PACRG: variants seen among roughly 807,000 people sequenced by gnomAD.
PACRG encodes the protein parkin coregulated gene protein.
PACRG carries 29 observed loss-of-function variants against 29.7 expected under a neutral mutation model. The ratio of observed to expected loss-of-function variants is 0.98; its 90% CI spans 0.73 to 1.33. PACRG has a LOEUF of 1.33. PACRG is among the 40% of genes most tolerant of loss of function. PACRG has a pLI of 0.00. For missense variants in PACRG, 279 were observed against 316.2 expected, an observed-to-expected ratio of 0.88 and a Z score of 0.89; for synonymous variants, 116 against 118.7, an observed-to-expected ratio of 0.98 and a Z score of 0.15.
chr6:163,028,186 C>A (rs1325259921), intron 2 of PACRG, among the ~76,000 whole-genome samples: 2 of 152,132 alleles, frequency 1.3e-5, no homozygotes, highest in African/African-American at 4.8e-5. Context: ...TTCCAATAAG[C>A]CAGGAAATTA....
At chr6:162,908,449 A>G (rs1021908536) in intron 2 of PACRG, among the ~76,000 whole-genome samples, 44 of 152,234 alleles carry the variant, frequency 2.9e-4, no homozygotes, top group Non-Finnish European at 2.9e-4. Context: ...GCCTTCAGGC[A>G]TGGCCTATTC....
At position 163,010,628 on chromosome 6, in the gene PACRG, G is replaced by A. The variant is rs554832367; in HGVS notation, c.292-51522G>A. ...GACACCTTTTCAGTCATTGTTAGAC[G>A]AGTCTTGCTATGTTTTATCTTCCAA... On this transcript the variant is annotated intron_variant, in intron 2 of 4. Transcript: ENST00000366888. Among the ~76,000 whole-genome samples, 8 of 152,272 alleles carry A rather than the reference G, an allele frequency of 5.3e-5. No homozygotes were observed. The South Asian group carries it at 1.2e-3, about 24-fold the overall frequency.
chr6:162,755,343 T>A (rs766178793), intron 1 of PACRG, among the ~76,000 whole-genome samples: 2 of 152,160 alleles, frequency 1.3e-5, no homozygotes, highest in African/African-American at 4.8e-5. Flanking sequence ...AGTGGTTGGT[T>A]TGTATTTCTC....
chr6:163,239,713 C>T (rs541482711), intron 4 of PACRG, among the ~76,000 whole-genome samples: 18 of 146,450 alleles, frequency 1.2e-4, no homozygotes, highest in South Asian at 4.4e-4. Flanking sequence ...TACACACACA[C>T]GCACACTCCC....
At chr6:162,936,031 G>C (rs555344530) in intron 2 of PACRG, among the ~76,000 whole-genome samples, 42 of 152,308 alleles carry the variant, frequency 2.8e-4, no homozygotes, top group African/African-American at 9.1e-4. Context: ...TGGACTTACA[G>C]CTCCACATGC....
intron 2 of PACRG, among the ~76,000 whole-genome samples, chr6:162,898,045 C>T (rs1448565402): frequency 6.6e-6 from 1 of 152,198 alleles, no homozygotes; most frequent in East Asian, 1.9e-4. Flanking sequence ...CCCAACTCTC[C>T]AGGAGAAGCA....
intron 2 of PACRG, among the ~76,000 whole-genome samples, chr6:162,943,975 C>T (rs1440213311): frequency 6.6e-6 from 1 of 152,196 alleles, no homozygotes; most frequent in Non-Finnish European, 1.5e-5. Flanking sequence ...CCTGCCCAGC[C>T]CACAGCTGGC....
chr6:163,135,874 CA>C (rs1816917079), intron 4 of PACRG, among the ~76,000 whole-genome samples: 1 of 152,176 alleles, frequency 6.6e-6, no homozygotes, highest in African/African-American at 2.4e-5. Context: ...GCATTTTTCC[CA>C]ATGACTAGTG....
At chr6:162,934,889 A>C (rs1265343300) in intron 2 of PACRG, among the ~76,000 whole-genome samples, 1 of 152,120 alleles carries the variant, frequency 6.6e-6, no homozygotes, top group Non-Finnish European at 1.5e-5. Context: ...AATTTCCCTC[A>C]GTTTTTGCTT....
At chr6:163,275,490 C>A (rs913065183) in intron 4 of PACRG, among the ~76,000 whole-genome samples, 22 of 152,270 alleles carry the variant, frequency 1.4e-4, no homozygotes, top group African/African-American at 4.8e-4. Context: ...TGATATTTCC[C>A]AAATGTCACA....
intron 2 of PACRG, among the ~76,000 whole-genome samples, chr6:162,959,904 G>C (rs1337346395): frequency 6.6e-6 from 1 of 152,070 alleles, no homozygotes; most frequent in Admixed American, 6.6e-5. Context: ...TTAAACAATT[G>C]AATGAGCATA....
At chr6:163,169,443 C>T (rs892134495) in intron 4 of PACRG, among the ~76,000 whole-genome samples, 2 of 152,126 alleles carry the variant, frequency 1.3e-5, no homozygotes, top group African/African-American at 4.8e-5. Context: ...GGCGAAAGAA[C>T]AAAGATACCA....
chr6:162,913,559 C>T (rs1796462360), intron 2 of PACRG, among the ~76,000 whole-genome samples: 2 of 152,154 alleles, frequency 1.3e-5, no homozygotes. Flanking sequence ...TTTCATTTCT[C>T]TTGGGGAAAT....
chr6:163,292,557 C>A (rs113039712), intron 4 of PACRG, among the ~76,000 whole-genome samples: 4 of 130,298 alleles, frequency 3.1e-5, no homozygotes, highest in African/African-American at 1.2e-4. Flanking sequence ...TCTGCCACCA[C>A]GCCCAGCTAA....
intron 2 of PACRG, among the ~76,000 whole-genome samples, chr6:163,030,796 G>C (rs374120603): frequency 6.6e-6 from 1 of 152,134 alleles, no homozygotes; most frequent in Non-Finnish European, 1.5e-5. Context: ...GTAAACTGTC[G>C]TGGCACTGGT....
At chr6:163,237,939 T>C (rs1782317341) in intron 4 of PACRG, among the ~76,000 whole-genome samples, 1 of 152,218 alleles carries the variant, frequency 6.6e-6, no homozygotes, top group African/African-American at 2.4e-5. Flanking sequence ...ATTTATCCTG[T>C]CAGAAGATAT....
intron 2 of PACRG, among the ~76,000 whole-genome samples, chr6:162,928,268 T>C (rs1278515600): frequency 6.6e-6 from 1 of 152,044 alleles, no homozygotes; most frequent in Non-Finnish European, 1.5e-5. Context: ...GAGAAATTCA[T>C]CCATTTTCTC....
At chr6:162,902,681 T>C (rs1177060752) in intron 2 of PACRG, among the ~76,000 whole-genome samples, 4 of 152,164 alleles carry the variant, frequency 2.6e-5, no homozygotes, top group African/African-American at 9.7e-5. Flanking sequence ...GGTAGAGACG[T>C]TGTAATTGTT....
rs1363277285 is a variant in PACRG at position 163,185,649 on chromosome 6, G to T, written c.613+96241G>T. On this transcript the variant is annotated intron_variant, in intron 4 of 4. Transcript: ENST00000366888. Reference sequence around the variant, plus strand: ...AGATAAGATGCTGGAGGAAATCGCGGCATCATCAATTTAATCCCACACAAA... The same window carrying T: ...AGATAAGATGCTGGAGGAAATCGCGTCATCATCAATTTAATCCCACACAAA... 3.3e-5 allele frequency among the ~76,000 whole-genome samples: 5 copies of T among 152,156 alleles called. No homozygotes were observed. In the East Asian group the frequency reaches 9.6e-4, roughly 29 times the overall value.
Sources: gnomAD v4.1 joint callset for allele counts (sites outside exome capture counted in the v4.1 genomes callset) on GRCh38, gnomAD v4.1.1 for gene constraint, MANE v1.5 for transcripts, NCBI Gene and HGNC (gene_info 2026-07-23, HGNC 2026-07-21) for gene names.